Variants in KIR2DL3 observed in about 807,000 individuals in gnomAD.
The protein encoded by KIR2DL3 is killer cell immunoglobulin like receptor, two Ig domains and long cytoplasmic tail 3.
A neutral mutation model predicts 33.8 loss-of-function variants in KIR2DL3; 39 were observed. The ratio of observed to expected loss-of-function variants is 1.15; its 90% CI spans 0.89 to 1.51. The LOEUF (loss-of-function observed/expected upper bound fraction) is 1.51. Ranked by LOEUF, KIR2DL3 falls within the 40% of genes most tolerant of loss-of-function variation. The pLI is 0.00. For synonymous variants in KIR2DL3, 174 were observed against 160.2 expected, an observed-to-expected ratio of 1.09 and a Z score of -0.65; for missense variants, 462 against 426.2, an observed-to-expected ratio of 1.08 and a Z score of -0.74.
chr19:54,750,985 G>A lies in KIR2DL3; in HGVS notation c.716-664G>A, dbSNP rs80351617. Among the ~76,000 whole-genome samples the A allele has an allele frequency of 4.1e-3, 445 of 108,748 alleles. 6 individuals carry two copies. The highest frequency in any genetic ancestry group is 0.012 in the South Asian group (33 of 2,684). 71.3% of individuals were successfully genotyped at this position (108,748 alleles called of 152,430 possible). On this transcript the variant is annotated intron_variant, in intron 5 of 7. Transcript: ENST00000342376. ...AAGACAGCCCAGGCTGTTCTGAGAC[G>A]TTCCTCCTGATCTCAGGACGTTGCT...
intron 2 of KIR2DL3, among the ~76,000 whole-genome samples, chr19:54,740,917 T>G (rs2070945000): frequency 6.6e-6 from 1 of 151,316 alleles, no homozygotes; most frequent in African/African-American, 2.4e-5. Context: ...TCACCAGCTT[T>G]GAAGGTGGAG....
chr19:54,744,954 A>ATTTTTTTTTT (rs71195797), intron 4 of KIR2DL3, among the ~76,000 whole-genome samples: 6 of 31,282 alleles, frequency 1.9e-4, no homozygotes, highest in Admixed American at 5.1e-4. Context: ...ATATATATAT[A>ATTTTTTTTTT]TTTTTTTTTT....
chr19:54,747,175 G>A (rs1555911254), intron 4 of KIR2DL3, among the ~76,000 whole-genome samples, 160 bp from the exon 5 acceptor site: 21,579 of 121,556 alleles, frequency 0.18, 603 homozygotes, highest in Middle Eastern at 0.24. Context: ...TCTCAAGACA[G>A]TGGGCGTCAC....
chr19:54,741,641 C>T (rs1240739095), intron 2 of KIR2DL3, among the ~76,000 whole-genome samples: 2 of 151,878 alleles, frequency 1.3e-5, no homozygotes, highest in Non-Finnish European at 2.9e-5. Flanking sequence ...TTGAACCAGG[C>T]TGATAAGAGC....
chr19:54,747,447 C>A, intron 5 of KIR2DL3, 62 bp downstream of exon 5: 1 of 1,553,826 alleles, frequency 6.4e-7, no homozygotes, highest in Non-Finnish European at 8.9e-7. Context: ...ACCTTCGATG[C>A]AGGCATTGAC....
Position 54,752,728 on chromosome 19 carries a change from C to T in KIR2DL3, c.*209C>T. On this transcript the variant is annotated 3_prime_UTR_variant, in exon 8 of 8. Coordinates refer to ENST00000342376, the MANE Select transcript of KIR2DL3 (RefSeq NM_015868.3). Reference sequence around the variant, plus strand: ...CCCTTGCTTACAAATGTCTAAGGTCCCCACTGCCTGCTGGAGAGAAAACAC... The same window carrying T: ...CCCTTGCTTACAAATGTCTAAGGTCTCCACTGCCTGCTGGAGAGAAAACAC... 5.3e-6 allele frequency: 4 copies of T among 754,882 alleles called. No homozygotes were observed. Among genetic ancestry groups the T allele is most frequent in the Non-Finnish European group, 8.5e-6 (4 of 472,542 alleles). 46.8% of individuals were successfully genotyped at this position (754,882 alleles called of 1,614,324 possible). A position where few individuals can be genotyped will look rare whatever the true frequency, so the allele number is the denominator to read the frequency against.
intron 3 of KIR2DL3, among the ~76,000 whole-genome samples, 154 bp downstream of exon 3, chr19:54,742,433 G>A (rs542291803): frequency 1.3e-5 from 2 of 151,702 alleles, no homozygotes; most frequent in East Asian, 3.9e-4. Flanking sequence ...CAGAGAAACA[G>A]GAGACACAAG....
intron 4 of KIR2DL3, among the ~76,000 whole-genome samples, chr19:54,744,769 C>A (rs1329496847): frequency 2.0e-5 from 3 of 150,354 alleles, no homozygotes; most frequent in African/African-American, 7.3e-5. Flanking sequence ...ACGTGATCCA[C>A]CCGCATCTGC....
rs1292575422 is a variant in KIR2DL3, at chr19:54,747,320, T to C, written c.665-15T>C. ...CACCCTCATTTCCTCACCTCTCTCCTGTCTCGTGTTCTAGGAAACCCTTCA... is the reference window on the plus strand; with the variant it reads ...CACCCTCATTTCCTCACCTCTCTCCCGTCTCGTGTTCTAGGAAACCCTTCA... On this transcript the variant is annotated splice_polypyrimidine_tract_variant and intron_variant, in intron 4 of 7. Coordinates refer to ENST00000342376, the MANE Select transcript of KIR2DL3 (RefSeq NM_015868.3). 11 of 1,610,664 alleles carry C rather than the reference T, an allele frequency of 6.8e-6. No homozygotes were observed. The East Asian group carries it at 2.0e-4, about 29-fold the overall frequency.
At chr19:54,750,900 G>A (rs1169442404) in intron 5 of KIR2DL3, among the ~76,000 whole-genome samples, 1 of 133,262 alleles carries the variant, frequency 7.5e-6, no homozygotes, top group African/African-American at 2.8e-5. Flanking sequence ...TTTGTACTGT[G>A]GAGCCACAGG....
intron 5 of KIR2DL3, among the ~76,000 whole-genome samples, chr19:54,748,985 T>A (rs1205137104): frequency 0.011 from 1,653 of 151,754 alleles, 30 homozygotes; most frequent in African/African-American, 0.037. Flanking sequence ...ACAAAGAAGG[T>A]CTCACTATTC....
At chr19:54,741,165 G>A (rs766319655) in intron 2 of KIR2DL3, among the ~76,000 whole-genome samples, 3,189 of 150,304 alleles carry the variant, frequency 0.021, no homozygotes, top group Non-Finnish European at 0.033. Flanking sequence ...CCCAGGTCAA[G>A]GACAAGTTAA....
chr19:54,744,907 CACACATATATAA>C (rs1423737319), intron 4 of KIR2DL3, among the ~76,000 whole-genome samples: 50 of 43,792 alleles, frequency 1.1e-3, no homozygotes, highest in African/African-American at 3.6e-3. Flanking sequence ...TACACACACA[CACACATATATAA>C]ACATATATAT....
At chr19:54,747,765 A>G (rs572980910) in intron 5 of KIR2DL3, among the ~76,000 whole-genome samples, 5 of 152,104 alleles carry the variant, frequency 3.3e-5, no homozygotes, top group African/African-American at 1.2e-4. Flanking sequence ...TCCACTTGCC[A>G]AGGAATGAAT....
chr19:54,742,264 G>T lies in KIR2DL3; in HGVS notation c.355G>T (p.Asp119Tyr). The T allele has an allele frequency of 6.2e-7, 1 of 1,614,148 alleles. No homozygotes were observed. The highest frequency in any genetic ancestry group is 8.5e-7 in the Non-Finnish European group (1 of 1,180,030). Residue 119 changes from aspartate (D) to tyrosine (Y), a missense_variant, in exon 3 of 8, where the codon GAC (aspartate) becomes TAC (tyrosine). Transcript: ENST00000342376. Reference protein sequence around the residue: ...YQLSAPSDPLDIVITGLYEKP... With the variant: ...YQLSAPSDPLYIVITGLYEKP... ...GTTGTCAGCTCCCAGTGACCCTCTG[G>T]ACATCGTCATCACAGGTGAGAGTGT...
intron 1 of KIR2DL3, among the ~76,000 whole-genome samples, chr19:54,739,200 G>T (rs1427126861): frequency 6.6e-6 from 1 of 150,796 alleles, no homozygotes; most frequent in African/African-American, 2.4e-5. Flanking sequence ...TGGGCCTGGG[G>T]CGGAGATATG....
At chr19:54,741,126 A>G (rs1303188335) in intron 2 of KIR2DL3, among the ~76,000 whole-genome samples, 2 of 151,260 alleles carry the variant, frequency 1.3e-5, no homozygotes, top group East Asian at 3.9e-4. Context: ...ATAATTTTCT[A>G]CAGCAGCAAC....
In KIR2DL3 at chr19:54,741,995, C is replaced by T. The variant is rs2071219099; in HGVS notation, c.86C>T (p.Pro29Leu). ...AWPHEGVHRK[P>L]SLLAHPGPLV... ...CTCTTCCTAGGAGTCCACAGAAAACCTTCCCTCCTGGCCCACCCAGGTCCC... is the reference window on the plus strand; with the variant it reads ...CTCTTCCTAGGAGTCCACAGAAAACTTTCCCTCCTGGCCCACCCAGGTCCC... Residue 29 changes from proline (P) to leucine (L), a missense_variant, in exon 3 of 8, where the codon CCT becomes CTT. Pro to Leu is a moderately conservative substitution (Grantham distance 98). Transcript: ENST00000342376. 1 of 1,607,342 alleles carries T rather than the reference C, an allele frequency of 6.2e-7. No homozygotes were observed. The highest frequency in any genetic ancestry group is 1.3e-5 in the African/African-American group (1 of 74,502).
rs8099870 is a variant in KIR2DL3 at position 54,751,165 on chromosome 19, C to T, written c.716-484C>T. Among the ~76,000 whole-genome samples, 1,050 of 132,482 alleles carry T rather than the reference C, an allele frequency of 7.9e-3. 177 individuals carry two copies. Among genetic ancestry groups the T allele is most frequent in the African/African-American group, 0.029 (994 of 34,718 alleles). 86.9% of individuals were successfully genotyped at this position (132,482 alleles called of 152,430 possible). On this transcript the variant is annotated intron_variant, in intron 5 of 7. Coordinates refer to ENST00000342376, the MANE Select transcript of KIR2DL3 (RefSeq NM_015868.3). Reference sequence around the variant, plus strand: ...CGGCCTCAGGCTGCTCCCACTCTGGCAGAAGGGAAGGAGGGTCTGTCTGTG... The same window carrying T: ...CGGCCTCAGGCTGCTCCCACTCTGGTAGAAGGGAAGGAGGGTCTGTCTGTG...
Sources: allele counts gnomAD v4.1 joint callset (sites outside exome capture counted in the v4.1 genomes callset), GRCh38; gene constraint gnomAD v4.1.1; transcripts MANE v1.5; gene names NCBI Gene and HGNC (gene_info 2026-07-23, HGNC 2026-07-21).